The following PLD1 variants were observed in gnomAD, a reference collection of about 807,000 sequenced individuals.
PLD1 encodes choline phosphatase 1.
Under a neutral mutation model 137.1 loss-of-function variants are expected in PLD1, and 112 were observed. The observed-to-expected ratio is 0.82, with a 90% CI of 0.70 to 0.96. The LOEUF (loss-of-function observed/expected upper bound fraction) is 0.96. Among genes scored for constraint, PLD1 ranks in the 40% least tolerant of loss-of-function variants. The pLI is 0.00. For missense variants in PLD1, 1,321 were observed against 1,342.0 expected, an observed-to-expected ratio of 0.98 and a Z score of 0.24; for synonymous variants, 431 against 454.7, an observed-to-expected ratio of 0.95 and a Z score of 0.66.
chr3:171,716,775 T>C (rs1717715768), intron 8 of PLD1, among the ~76,000 whole-genome samples: 1 of 152,232 alleles, frequency 6.6e-6, no homozygotes, highest in African/African-American at 2.4e-5. Context: ...TTTTTGATTT[T>C]GTTGCAATTA....
At chr3:171,623,541 C>T (rs543666007) in intron 23 of PLD1, among the ~76,000 whole-genome samples, 21 of 151,406 alleles carry the variant, frequency 1.4e-4, no homozygotes, top group Admixed American at 1.1e-3. Flanking sequence ...CCAGGATGGT[C>T]TCGACCTCCT....
chr3:171,727,713 AC>A (rs1718639837), intron 6 of PLD1, among the ~76,000 whole-genome samples: 1 of 152,166 alleles, frequency 6.6e-6, no homozygotes, highest in African/African-American at 2.4e-5. Context: ...TTCCCAGCTG[AC>A]ATGACATCAC....
At chr3:171,780,070 A>G (rs1385605739) in intron 1 of PLD1, among the ~76,000 whole-genome samples, 2 of 152,048 alleles carry the variant, frequency 1.3e-5, no homozygotes, top group Non-Finnish European at 2.9e-5. Context: ...TTATATACAT[A>G]AGTCTGAGAT....
At chr3:171,672,450 C>T (rs972803536) in intron 19 of PLD1, among the ~76,000 whole-genome samples, 1 of 151,894 alleles carries the variant, frequency 6.6e-6, no homozygotes, top group Admixed American at 6.6e-5. Flanking sequence ...AACATATGAG[C>T]TTATCAGATC....
Position 171,692,427 on chromosome 3 carries a change from T to C in PLD1, c.1243A>G (p.Ile415Val). The change falls in exon 13 of 27, where the codon ATC (isoleucine) becomes GTC (valine). Residue 415 changes from isoleucine (I) to valine (V), a missense_variant. Physicochemically the swap from Ile to Val is conservative, Grantham distance 29. Transcript: ENST00000351298. Reference protein sequence around the residue: ...LKRKAQQGVRIFIMLYKEVEL... With the variant: ...LKRKAQQGVRVFIMLYKEVEL... Reference sequence around the variant, plus strand: ...ACCTCTTTGTAGAGCATTATGAAGATCCTCACTCCTTGTTGCTGTCACAGG... The same window carrying C: ...ACCTCTTTGTAGAGCATTATGAAGACCCTCACTCCTTGTTGCTGTCACAGG... The C allele has an allele frequency of 1.3e-6, 2 of 1,570,448 alleles. No individual in the cohort carries two copies. Among genetic ancestry groups the C allele is most frequent in the South Asian group, 2.2e-5 (2 of 90,154 alleles).
Position 171,686,027 on chromosome 3 carries a change from G to A in PLD1, c.1867+658C>T, listed in dbSNP as rs1714518346. Reference sequence around the variant, plus strand: ...CCAGCTACTCAGGAGGCTGAGCTGAGGCAGGAGAATCGCTAAAACCTGGGA... The same window carrying A: ...CCAGCTACTCAGGAGGCTGAGCTGAAGCAGGAGAATCGCTAAAACCTGGGA... On this transcript the variant is annotated intron_variant, in intron 16 of 26. Coordinates refer to ENST00000351298, the MANE Select transcript of PLD1 (RefSeq NM_002662.5). 1.3e-5 allele frequency among the ~76,000 whole-genome samples: 2 copies of A among 151,800 alleles called. 1 individual carries two copies. Among genetic ancestry groups the A allele is most frequent in the African/African-American group, 4.8e-5 (2 of 41,276 alleles).
At position 171,766,518 on chromosome 3, in the gene PLD1, A is replaced by G. The variant is rs192955355; in HGVS notation, c.-31-28436T>C. Among the ~76,000 whole-genome samples the G allele has an allele frequency of 2.0e-4, 31 of 152,248 alleles. 1 individual carries two copies. The East Asian group carries it at 5.4e-3, about 26-fold the overall frequency. ...AGATGTGTGATGGAGAGATAGTTTA[A>G]TATCCATTATTTTTACTTAAATATC... On this transcript the variant is annotated intron_variant, in intron 1 of 26. Coordinates refer to ENST00000351298, the MANE Select transcript of PLD1 (RefSeq NM_002662.5).
Position 171,714,025 on chromosome 3 carries a change from G to T in PLD1, c.779C>A (p.Ser260Tyr), listed in dbSNP as rs1333882356. Residue 260 changes from serine (S) to tyrosine (Y), a missense_variant, in exon 9 of 27, where the codon TCC becomes TAC. Ser to Tyr is a moderately radical substitution (Grantham distance 144, BLOSUM62 -2). Coordinates refer to ENST00000351298, the MANE Select transcript of PLD1 (RefSeq NM_002662.5). The part of the protein sequence containing the change: ...WSKRWLIVKD[S>Y]FLLYMKPDSG... ...GTCTGGTTTCATATACAATAAAAAG[G>T]AATCTTTCACTATTAACCATCTGTA... 3 of 1,605,512 alleles carry T rather than the reference G, an allele frequency of 1.9e-6. No homozygotes were observed. Among genetic ancestry groups the T allele is most frequent in the Non-Finnish European group, 2.6e-6 (3 of 1,172,768 alleles).
At chr3:171,745,394 T>C (rs1720071117) in intron 1 of PLD1, among the ~76,000 whole-genome samples, 1 of 152,204 alleles carries the variant, frequency 6.6e-6, no homozygotes, top group Non-Finnish European at 1.5e-5. Flanking sequence ...GGCCTCCAGA[T>C]GGGCTGGGTC....
At chr3:171,799,112 AG>A (rs1449548681) in intron 1 of PLD1, among the ~76,000 whole-genome samples, 1 of 152,150 alleles carries the variant, frequency 6.6e-6, no homozygotes, top group Non-Finnish European at 1.5e-5. Context: ...AGGCCGAGGC[AG>A]GTGGATCACA....
At chr3:171,640,077 A>G (rs988581034) in intron 23 of PLD1, among the ~76,000 whole-genome samples, 11 of 151,784 alleles carry the variant, frequency 7.2e-5, no homozygotes, top group Admixed American at 3.9e-4. Context: ...CAGTCCACCT[A>G]AAGTTTGTCA....
At chr3:171,627,242 A>G (rs1734202355) in intron 23 of PLD1, among the ~76,000 whole-genome samples, 1 of 152,236 alleles carries the variant, frequency 6.6e-6, no homozygotes, top group African/African-American at 2.4e-5. Context: ...GTAAACTAAC[A>G]AAGATCAAAA....
chr3:171,770,067 T>A (rs1317327059), intron 1 of PLD1, among the ~76,000 whole-genome samples: 1 of 152,222 alleles, frequency 6.6e-6, no homozygotes, highest in Non-Finnish European at 1.5e-5. Context: ...GCAGAATTGC[T>A]CTTTAGATCT....
intron 14 of PLD1, 51 bp downstream of exon 14, chr3:171,688,625 A>T (rs748910641): frequency 7.3e-7 from 1 of 1,364,438 alleles, no homozygotes; most frequent in South Asian, 1.2e-5. Context: ...ATACAAACTT[A>T]TACAAATTAT....
At chr3:171,707,729 C>T (rs1372874855) in intron 11 of PLD1, among the ~76,000 whole-genome samples, 1 of 152,172 alleles carries the variant, frequency 6.6e-6, no homozygotes, top group Admixed American at 6.5e-5. Flanking sequence ...TGGGAACTTA[C>T]TACTGGTACC....
At chr3:171,784,351 G>C (rs1389529313) in intron 1 of PLD1, among the ~76,000 whole-genome samples, 1 of 149,194 alleles carries the variant, frequency 6.7e-6, no homozygotes, top group African/African-American at 2.5e-5. Flanking sequence ...TAAGCACTAA[G>C]TCACCTCATT....
intron 25 of PLD1, among the ~76,000 whole-genome samples, chr3:171,611,289 T>G (rs193291496): frequency 1.3e-5 from 2 of 152,068 alleles, no homozygotes; most frequent in East Asian, 3.9e-4. Context: ...GGGAAATGAG[T>G]GTCTGCAGGG....
intron 1 of PLD1, among the ~76,000 whole-genome samples, chr3:171,772,842 C>T (rs141899044): frequency 6.9e-4 from 105 of 151,938 alleles, no homozygotes; most frequent in Non-Finnish European, 1.3e-3. Flanking sequence ...AATGCTCATG[C>T]AAAAAAAGTA....
intron 19 of PLD1, among the ~76,000 whole-genome samples, chr3:171,668,944 C>T (rs1712449199): frequency 6.6e-6 from 1 of 152,226 alleles, no homozygotes; most frequent in African/African-American, 2.4e-5. Flanking sequence ...TCTCCCACTT[C>T]CTCCTGCTAC....
Sources: allele counts gnomAD v4.1 joint callset (sites outside exome capture counted in the v4.1 genomes callset), GRCh38; gene constraint gnomAD v4.1.1; transcripts MANE v1.5; gene names NCBI Gene and HGNC (gene_info 2026-07-23, HGNC 2026-07-21).